Variants in PTPRD observed in about 807,000 individuals in gnomAD.
PTPRD encodes the protein receptor-type tyrosine-protein phosphatase delta.
PTPRD carries 34 observed loss-of-function variants against 214.5 expected under a neutral mutation model. That is an observed-to-expected ratio of 0.16 (90% CI 0.12 to 0.21). PTPRD has a LOEUF of 0.21. Ranked by LOEUF, PTPRD falls within the 10% of genes least tolerant of loss-of-function variation. The probability of loss-of-function intolerance (pLI) is 1.00; values close to 1 mark genes in which losing one functional copy is unlikely to be tolerated. For missense variants in PTPRD, 2,545 were observed against 2,398.7 expected, an observed-to-expected ratio of 1.06 and a Z score of -1.27; for synonymous variants, 1,128 against 845.7, an observed-to-expected ratio of 1.33 and a Z score of -5.79.
intron 3 of PTPRD, among the ~76,000 whole-genome samples, chr9:10,247,353 T>C (rs1167009482): frequency 6.6e-6 from 1 of 152,152 alleles, no homozygotes; most frequent in East Asian, 1.9e-4. Flanking sequence ...CTCCTAGAGG[T>C]ATTAAAATAA....
chr9:8,449,997 C>A (rs577253497), intron 33 of PTPRD, among the ~76,000 whole-genome samples, 160 bp from the exon 34 acceptor site: 2 of 152,086 alleles, frequency 1.3e-5, no homozygotes, highest in Non-Finnish European at 2.9e-5. Context: ...GCTTTTCCCC[C>A]CTGGCCTAAT....
chr9:8,398,021 C>T (rs1392524), intron 36 of PTPRD, among the ~76,000 whole-genome samples: 1 of 152,002 alleles, frequency 6.6e-6, no homozygotes, highest in African/African-American at 2.4e-5. Context: ...CCAGTGTTTT[C>T]TTTTGCATTA....
At chr9:9,144,554 C>T (rs1447632371) in intron 10 of PTPRD, among the ~76,000 whole-genome samples, 1 of 152,008 alleles carries the variant, frequency 6.6e-6, no homozygotes, top group Non-Finnish European at 1.5e-5. Context: ...AAGGTCGAGA[C>T]CATCCTGGCT....
rs556200082 is a variant in PTPRD at position 10,477,005 on chromosome 9, G to A, written c.-600+135393C>T. Among the ~76,000 whole-genome samples the A allele has an allele frequency of 2.0e-5, 3 of 152,220 alleles. No individual in the cohort carries two copies. The East Asian group carries it at 5.8e-4, about 29-fold the overall frequency. ...ATTAAGATGGATTAAAGACTTAAAT[G>A]TAAGATCTAAAACCTTAAAAACCGT... On this transcript the variant is annotated intron_variant, in intron 2 of 45. Coordinates refer to ENST00000381196, the MANE Select transcript of PTPRD (RefSeq NM_002839.4).
chr9:9,920,046 C>T (rs1473205113), intron 5 of PTPRD, among the ~76,000 whole-genome samples: 1 of 151,888 alleles, frequency 6.6e-6, no homozygotes, highest in Non-Finnish European at 1.5e-5. Flanking sequence ...GGGATTTAAC[C>T]CATAAGCAGC....
At chr9:10,282,001 A>G (rs80043442) in intron 3 of PTPRD, among the ~76,000 whole-genome samples, 1 of 150,120 alleles carries the variant, frequency 6.7e-6, no homozygotes, top group Admixed American at 6.7e-5. Flanking sequence ...AAAAAAAAAA[A>G]GGTGCAAAGT....
chr9:10,335,361 G>A (rs764632959), intron 3 of PTPRD, among the ~76,000 whole-genome samples: 1 of 151,700 alleles, frequency 6.6e-6, no homozygotes, highest in Non-Finnish European at 1.5e-5. Context: ...AACAAATGGT[G>A]CCTGGTACAA....
rs138982287 is a variant in PTPRD, at chr9:9,751,693, G to A, written c.-326+15117C>T. Among the ~76,000 whole-genome samples the A allele has an allele frequency of 8.0e-4, 121 of 152,182 alleles. 6 individuals carry two copies. The East Asian group carries it at 0.016, about 21-fold the overall frequency. ...TGAAGATGAAGACAGAGATTGGAAT[G>A]ATATATCTACTAGTCAAGGAGTGCC... is the stretch of plus-strand genomic sequence containing the variant. On this transcript the variant is annotated intron_variant, in intron 6 of 45. Coordinates refer to ENST00000381196, the MANE Select transcript of PTPRD (RefSeq NM_002839.4).
At chr9:9,347,206 G>A (rs955325133) in intron 9 of PTPRD, among the ~76,000 whole-genome samples, 2 of 151,784 alleles carry the variant, frequency 1.3e-5, no homozygotes, top group African/African-American at 4.8e-5. Context: ...TTGAAAAGAT[G>A]ATTAGATTTT....
At chr9:9,645,816 C>A (rs2096142513) in intron 7 of PTPRD, among the ~76,000 whole-genome samples, 4 of 152,050 alleles carry the variant, frequency 2.6e-5, no homozygotes, top group African/African-American at 9.7e-5. Context: ...AAAGATATTA[C>A]AGTGAGTATA....
At chr9:9,245,091 C>T (rs558844688) in intron 9 of PTPRD, among the ~76,000 whole-genome samples, 74 of 152,278 alleles carry the variant, frequency 4.9e-4, no homozygotes, top group South Asian at 2.1e-3. Flanking sequence ...AATGAGATAT[C>T]GTCTCATACC....
chr9:9,619,938 T>G (rs1404689849), intron 7 of PTPRD, among the ~76,000 whole-genome samples: 2 of 151,216 alleles, frequency 1.3e-5, no homozygotes, highest in African/African-American at 2.4e-5. Context: ...GATAGATATT[T>G]CTACATATAG....
intron 4 of PTPRD, among the ~76,000 whole-genome samples, chr9:10,016,919 C>T (rs2096729624): frequency 6.6e-6 from 1 of 152,152 alleles, no homozygotes; most frequent in Non-Finnish European, 1.5e-5. Context: ...CCTGCTTTGG[C>T]CTCCCAAAGT....
chr9:8,318,872 A>G (rs919811870), intron 45 of PTPRD, among the ~76,000 whole-genome samples: 2 of 152,148 alleles, frequency 1.3e-5, no homozygotes, highest in African/African-American at 4.8e-5. Context: ...TCCCCATAAA[A>G]GAAACCTATT....
chr9:9,731,477 T>C (rs1407842522), intron 7 of PTPRD, among the ~76,000 whole-genome samples: 2 of 152,018 alleles, frequency 1.3e-5, no homozygotes, highest in African/African-American at 4.8e-5. Flanking sequence ...TTTTTAATTA[T>C]ACTTTAAGTT....
chr9:10,085,559 G>A (rs762280942), intron 3 of PTPRD, among the ~76,000 whole-genome samples: 1 of 151,688 alleles, frequency 6.6e-6, no homozygotes, highest in African/African-American at 2.4e-5. Flanking sequence ...GTGGAAAAGG[G>A]AAAGAGATGC....
intron 3 of PTPRD, among the ~76,000 whole-genome samples, chr9:10,309,476 C>T (rs1351476626): frequency 6.6e-6 from 1 of 151,814 alleles, no homozygotes; most frequent in Non-Finnish European, 1.5e-5. Context: ...CCTCAGCCTC[C>T]TGAGTAGCTC....
intron 8 of PTPRD, among the ~76,000 whole-genome samples, chr9:9,560,830 C>A (rs1401056983): frequency 6.6e-6 from 1 of 152,162 alleles, no homozygotes; most frequent in Non-Finnish European, 1.5e-5. Flanking sequence ...CCTGTCTTGG[C>A]TGCTTGAGCC....
intron 3 of PTPRD, among the ~76,000 whole-genome samples, chr9:10,306,677 C>T (rs2096080109): frequency 6.6e-6 from 1 of 152,002 alleles, no homozygotes. Context: ...ATATGTGTTG[C>T]TCTTTATATC....
Sources: gnomAD v4.1 joint callset for allele counts (sites outside exome capture counted in the v4.1 genomes callset) on GRCh38, gnomAD v4.1.1 for gene constraint, MANE v1.5 for transcripts, NCBI Gene and HGNC (gene_info 2026-07-23, HGNC 2026-07-21) for gene names.